The following HS6ST3 variants were observed in gnomAD, a reference collection of about 807,000 sequenced individuals.
The protein encoded by HS6ST3 is heparan-sulfate 6-O-sulfotransferase 3.
A neutral mutation model predicts 36.7 loss-of-function variants in HS6ST3; 12 were observed. The observed-to-expected ratio is 0.33, with a 90% confidence interval of 0.21 to 0.53. The LOEUF (loss-of-function observed/expected upper bound fraction) is 0.53, where lower values mean the gene tolerates loss of function less well. Among genes scored for constraint, HS6ST3 ranks in the 20% least tolerant of loss-of-function variants. HS6ST3 has a pLI of 0.95. For missense variants in HS6ST3, 584 were observed against 640.9 expected (o/e 0.91, Z 0.96); for synonymous variants, 240 against 257.5 (o/e 0.93, Z 0.65).
intron 1 of HS6ST3, among the ~76,000 whole-genome samples, chr13:96,155,322 A>G (rs186397592): frequency 6.8e-5 from 9 of 131,860 alleles, no homozygotes; most frequent in Admixed American, 3.4e-4. Context: ...TAGTTTTACA[A>G]CAAAATTCTA....
intron 1 of HS6ST3, among the ~76,000 whole-genome samples, chr13:96,805,144 A>G (rs1473542059): frequency 6.6e-6 from 1 of 152,178 alleles, no homozygotes; most frequent in East Asian, 1.9e-4. Flanking sequence ...CCAAGAGGGT[A>G]ATATGGTTTG....
intron 1 of HS6ST3, among the ~76,000 whole-genome samples, chr13:96,212,575 C>T (rs545679589): frequency 3.3e-5 from 5 of 152,226 alleles, no homozygotes; most frequent in Admixed American, 1.3e-4. Context: ...CACCTTGGCT[C>T]ATGCCTGTAA....
At position 96,498,544 on chromosome 13, in the gene HS6ST3, T is replaced by C. The variant is rs2055988539; in HGVS notation, c.708-333946T>C. 2.0e-5 allele frequency among the ~76,000 whole-genome samples: 3 copies of C among 152,286 alleles called. No individual in the cohort carries two copies. The East Asian group carries it at 5.8e-4, about 29-fold the overall frequency. ...ACCCATAGTGACCACTCAGCTCTTATTACATCACCTGATTTCAATTTCCTG... is the reference window on the plus strand; with the variant it reads ...ACCCATAGTGACCACTCAGCTCTTACTACATCACCTGATTTCAATTTCCTG... On this transcript the variant is annotated intron_variant, in intron 1 of 1. Coordinates refer to ENST00000376705, the MANE Select transcript of HS6ST3 (RefSeq NM_153456.4).
chr13:96,298,614 C>T (rs1296705934), intron 1 of HS6ST3, among the ~76,000 whole-genome samples: 1 of 152,190 alleles, frequency 6.6e-6, no homozygotes, highest in Non-Finnish European at 1.5e-5. Context: ...TAGTCTGCTA[C>T]CTAAATCAAG....
chr13:96,161,426 G>A (rs114182444), intron 1 of HS6ST3, among the ~76,000 whole-genome samples: 1,783 of 152,256 alleles, frequency 0.012, 34 homozygotes, highest in African/African-American at 0.041. Flanking sequence ...TGAGTAGTTG[G>A]ATGGCTAGAG....
intron 1 of HS6ST3, among the ~76,000 whole-genome samples, chr13:96,195,165 A>T (rs1190455457): frequency 6.6e-6 from 1 of 152,222 alleles, no homozygotes; most frequent in Non-Finnish European, 1.5e-5. Context: ...TTAAAATGTC[A>T]AAACTAAAAC....
At chr13:96,272,565 A>C (rs1422451032) in intron 1 of HS6ST3, among the ~76,000 whole-genome samples, 2 of 152,092 alleles carry the variant, frequency 1.3e-5, no homozygotes, top group Admixed American at 6.5e-5. Flanking sequence ...TAGATGGAAA[A>C]TTCTGGGTGG....
chr13:96,281,915 A>G (rs1378493517), intron 1 of HS6ST3, among the ~76,000 whole-genome samples: 1 of 152,144 alleles, frequency 6.6e-6, no homozygotes, highest in Non-Finnish European at 1.5e-5. Flanking sequence ...CTGTAATAAG[A>G]ATTTTTCAGT....
At chr13:96,823,259 T>C (rs1878574730) in intron 1 of HS6ST3, among the ~76,000 whole-genome samples, 1 of 152,224 alleles carries the variant, frequency 6.6e-6, no homozygotes, top group South Asian at 2.1e-4. Flanking sequence ...ATTCTACTCC[T>C]AGGAATTTAT....
intron 1 of HS6ST3, among the ~76,000 whole-genome samples, chr13:96,760,520 A>T (rs1876944776): frequency 6.6e-6 from 1 of 152,132 alleles, no homozygotes; most frequent in African/African-American, 2.4e-5. Context: ...GGTAATTTTT[A>T]AAATTTAAAT....
At position 96,319,841 on chromosome 13, in the gene HS6ST3, A is replaced by G. The variant is rs144245143; in HGVS notation, c.707+228272A>G. ...AAGCACTTGAGAACAATCTTTCTAT[A>G]GCTCTTTGCTGGGAGTCAGAAAGTT... is the stretch of plus-strand genomic sequence containing the variant. On this transcript the variant is annotated intron_variant, in intron 1 of 1. Transcript: ENST00000376705. Among the ~76,000 whole-genome samples, 210 of 152,250 alleles carry G rather than the reference A, an allele frequency of 1.4e-3. 2 individuals are homozygous for G. The highest frequency in any genetic ancestry group is 4.8e-3 in the African/African-American group (198 of 41,554).
chr13:96,178,105 T>C (rs2054221186), intron 1 of HS6ST3, among the ~76,000 whole-genome samples: 1 of 152,138 alleles, frequency 6.6e-6, no homozygotes, highest in African/African-American at 2.4e-5. Context: ...TAAACAATTA[T>C]GTGGGTTGAG....
At chr13:96,521,113 G>A (rs2056091603) in intron 1 of HS6ST3, among the ~76,000 whole-genome samples, 1 of 152,094 alleles carries the variant, frequency 6.6e-6, no homozygotes, top group African/African-American at 2.4e-5. Context: ...ATAATCATGT[G>A]GTTTTTGTCA....
At chr13:96,698,650 A>G (rs564946203) in intron 1 of HS6ST3, among the ~76,000 whole-genome samples, 6 of 152,224 alleles carry the variant, frequency 3.9e-5, no homozygotes, top group Non-Finnish European at 5.9e-5. Flanking sequence ...ATGGATAGGA[A>G]GAATCAATAT....
intron 1 of HS6ST3, among the ~76,000 whole-genome samples, chr13:96,410,236 G>C (rs189733818): frequency 1.4e-4 from 22 of 151,844 alleles, no homozygotes; most frequent in Non-Finnish European, 1.5e-5. Context: ...CACATCAAAA[G>C]GTTAAGATCC....
At chr13:96,349,747 T>C (rs1220368172) in intron 1 of HS6ST3, among the ~76,000 whole-genome samples, 1 of 152,186 alleles carries the variant, frequency 6.6e-6, no homozygotes, top group East Asian at 1.9e-4. Flanking sequence ...GAGAAAAATT[T>C]TACAAAGGAA....
chr13:96,244,309 C>T (rs1357024700), intron 1 of HS6ST3, among the ~76,000 whole-genome samples: 1 of 152,082 alleles, frequency 6.6e-6, no homozygotes, highest in Non-Finnish European at 1.5e-5. Flanking sequence ...GTTGACAAAG[C>T]GATCACTTTG....
chr13:96,438,005 G>A (rs2055651557), intron 1 of HS6ST3, among the ~76,000 whole-genome samples: 1 of 152,266 alleles, frequency 6.6e-6, no homozygotes, highest in South Asian at 2.1e-4. Context: ...AAGGAGTAAC[G>A]CTCTTAACAG....
intron 1 of HS6ST3, among the ~76,000 whole-genome samples, chr13:96,671,580 G>C (rs1417643790): frequency 6.6e-6 from 1 of 152,100 alleles, no homozygotes; most frequent in Non-Finnish European, 1.5e-5. Flanking sequence ...CAAGATCAGG[G>C]TGTTAGCAAG....
Sources: allele counts gnomAD v4.1 joint callset (sites outside exome capture counted in the v4.1 genomes callset), GRCh38; gene constraint gnomAD v4.1.1; transcripts MANE v1.5; gene names NCBI Gene and HGNC (gene_info 2026-07-23, HGNC 2026-07-21).